Variants in BLOC1S5 observed in about 807,000 individuals in gnomAD.
BLOC1S5 encodes the protein biogenesis of lysosomal organelles complex 1 subunit 5.
A neutral mutation model predicts 24.3 loss-of-function variants in BLOC1S5; 27 were observed. That is an observed-to-expected ratio of 1.11 (90% CI 0.82 to 1.53). The LOEUF is 1.53. Ranked by LOEUF, BLOC1S5 falls within the 40% of genes most tolerant of loss-of-function variation. The pLI is 0.00. For synonymous variants in BLOC1S5, 84 were observed against 74.5 expected, an observed-to-expected ratio of 1.13 and a Z score of -0.66; for missense variants, 239 against 229.4, an observed-to-expected ratio of 1.04 and a Z score of -0.27.
intron 2 of BLOC1S5, among the ~76,000 whole-genome samples, chr6:8,047,083 C>T (rs187810075): frequency 6.6e-6 from 1 of 151,584 alleles, no homozygotes; most frequent in African/African-American, 2.4e-5. Context: ...CATGCTTGAT[C>T]TCAACATATA....
chr6:8,064,349 C>T lies in BLOC1S5; in HGVS notation c.28G>A (p.Val10Met). ...CCGCCCGGGGCGGCCTCACAACCCACAGGGGTCTCTGTCCCTCCGCCACTC... is the reference window on the plus strand; with the variant it reads ...CCGCCCGGGGCGGCCTCACAACCCATAGGGGTCTCTGTCCCTCCGCCACTC... Reference protein sequence around the residue: MSGGGTETPVGCEAAPGGGS... With the variant: MSGGGTETPMGCEAAPGGGS... The change falls in exon 1 of 5, where the codon GTG becomes ATG. Residue 10 changes from valine (V) to methionine (M), a missense_variant. Transcript: ENST00000397457. 1.2e-6 allele frequency: 2 copies of T among 1,612,310 alleles called. No homozygotes were observed. The highest frequency in any genetic ancestry group is 1.7e-6 in the Non-Finnish European group (2 of 1,179,858).
chr6:8,059,374 T>G (rs9505349), intron 2 of BLOC1S5, among the ~76,000 whole-genome samples: 6,264 of 152,308 alleles, frequency 0.041, 408 homozygotes, highest in African/African-American at 0.14. Flanking sequence ...ACAAATAAAA[T>G]TTTATAAAGA....
chr6:8,036,902 C>T (rs897781227), intron 3 of BLOC1S5, among the ~76,000 whole-genome samples: 1 of 151,936 alleles, frequency 6.6e-6, no homozygotes, highest in Admixed American at 6.6e-5. Context: ...CATATGGTAA[C>T]CTCAACAGAT....
Position 8,013,993 on chromosome 6 carries a change from T to C in BLOC1S5, c.*1656A>G, listed in dbSNP as rs1438851432. The C allele has an allele frequency of 1.3e-4, 20 of 152,160 alleles. No homozygotes were observed. The highest frequency in any genetic ancestry group is 1.2e-3 in the Admixed American group (19 of 15,268). 9.4% of individuals were successfully genotyped at this position (152,160 alleles called of 1,614,324 possible). ...TCTCAAATACTTATTTCATCTCCTCTATTAACTTTAATCACATTTTCAACA... is the reference window on the plus strand; with the variant it reads ...TCTCAAATACTTATTTCATCTCCTCCATTAACTTTAATCACATTTTCAACA... On this transcript the variant is annotated 3_prime_UTR_variant, in exon 5 of 5. Coordinates refer to ENST00000397457, the MANE Select transcript of BLOC1S5 (RefSeq NM_201280.3).
chr6:8,050,590 T>G (rs1472896927), intron 2 of BLOC1S5, among the ~76,000 whole-genome samples: 1 of 142,012 alleles, frequency 7.0e-6, no homozygotes, highest in Non-Finnish European at 1.5e-5. Context: ...AAGATGAGAA[T>G]GGAAAAGAAA....
intron 4 of BLOC1S5, among the ~76,000 whole-genome samples, chr6:8,016,470 C>A (rs750798768): frequency 8.6e-5 from 13 of 151,930 alleles, no homozygotes; most frequent in African/African-American, 3.1e-4. Flanking sequence ...AAAATATATG[C>A]TAAAAGAATC....
chr6:8,037,903 C>G (rs146058352), intron 3 of BLOC1S5, among the ~76,000 whole-genome samples: 5 of 152,058 alleles, frequency 3.3e-5, no homozygotes, highest in South Asian at 2.1e-4. Flanking sequence ...ATAACCAGTG[C>G]TGGGAAAACT....
At chr6:8,046,375 G>T (rs903907890) in intron 2 of BLOC1S5, among the ~76,000 whole-genome samples, 2 of 151,724 alleles carry the variant, frequency 1.3e-5, no homozygotes, top group Admixed American at 6.6e-5. Context: ...CTAACACAGG[G>T]GTACATGGGA....
At chr6:8,030,009 G>A (rs1337607867) in intron 3 of BLOC1S5, among the ~76,000 whole-genome samples, 1 of 152,100 alleles carries the variant, frequency 6.6e-6, no homozygotes, top group African/African-American at 2.4e-5. Context: ...TCCCTAAACA[G>A]ACAAAGCAAA....
In BLOC1S5 at chr6:8,064,283, C is replaced by G; in HGVS notation, c.94G>C (p.Ala32Pro). ...TCCGTACCCTTGATAATGAGGTGCG[C>G]TGAGCCCGCAGTCCCCAGGGAGTCC... ...KRDSLGTAGS[A>P]HLIIKDLGEI... The change falls in exon 1 of 5, where the codon GCG (alanine) becomes CCG (proline). Residue 32 changes from alanine (A) to proline (P), a missense_variant. Ala to Pro is a conservative substitution (Grantham distance 27). Coordinates refer to ENST00000397457, the MANE Select transcript of BLOC1S5 (RefSeq NM_201280.3). The G allele has an allele frequency of 6.2e-7, 1 of 1,613,800 alleles. No homozygotes were observed. Among genetic ancestry groups the G allele is most frequent in the Non-Finnish European group, 8.5e-7 (1 of 1,179,816 alleles).
At chr6:8,049,504 T>C (rs1467977395) in intron 2 of BLOC1S5, among the ~76,000 whole-genome samples, 2 of 152,168 alleles carry the variant, frequency 1.3e-5, no homozygotes, top group Non-Finnish European at 2.9e-5. Flanking sequence ...ATTTAAAATT[T>C]AAATTATGTA....
chr6:8,057,437 T>C (rs1193872107), intron 2 of BLOC1S5, among the ~76,000 whole-genome samples: 2 of 152,252 alleles, frequency 1.3e-5, no homozygotes, highest in Non-Finnish European at 2.9e-5. Context: ...ATATTGTTTC[T>C]GGCATGAAAA....
intron 2 of BLOC1S5, among the ~76,000 whole-genome samples, chr6:8,053,093 C>T (rs1764181301): frequency 6.6e-6 from 1 of 151,892 alleles, no homozygotes; most frequent in Non-Finnish European, 1.5e-5. Context: ...GGAAGAGTCG[C>T]ACAACTCCCA....
At chr6:8,030,294 G>T (rs1465363077) in intron 3 of BLOC1S5, among the ~76,000 whole-genome samples, 1 of 151,762 alleles carries the variant, frequency 6.6e-6, no homozygotes, top group Non-Finnish European at 1.5e-5. Flanking sequence ...TGAGTAGATG[G>T]GACTACAGGC....
At chr6:8,043,163 C>T (rs1335358476) in intron 2 of BLOC1S5, among the ~76,000 whole-genome samples, 1 of 152,186 alleles carries the variant, frequency 6.6e-6, no homozygotes, top group Non-Finnish European at 1.5e-5. Flanking sequence ...AAAACATCTC[C>T]ATTCCAGAAA....
chr6:8,041,060 C>T lies in BLOC1S5; in HGVS notation c.325+79G>A, dbSNP rs934703787. On this transcript the variant is annotated intron_variant, in intron 3 of 4. Coordinates refer to ENST00000397457, the MANE Select transcript of BLOC1S5 (RefSeq NM_201280.3). ...CTTCCCTCTCCCTCTCCACCTCCCC[C>T]CATAATACCCAAGAAAATACATTTT... 2.7e-6 allele frequency: 4 copies of T among 1,472,138 alleles called. No individual in the cohort carries two copies. The South Asian group carries it at 4.1e-5, about 15-fold the overall frequency. 91.2% of individuals were successfully genotyped at this position (1,472,138 alleles called of 1,614,324 possible).
chr6:8,039,131 T>C (rs1581414037), intron 3 of BLOC1S5, among the ~76,000 whole-genome samples: 1 of 152,026 alleles, frequency 6.6e-6, no homozygotes, highest in East Asian at 1.9e-4. Context: ...AATCCCATCA[T>C]CTGCAGCCAC....
intron 3 of BLOC1S5, among the ~76,000 whole-genome samples, chr6:8,028,363 T>TAAA (rs755121539): frequency 4.5e-5 from 6 of 134,414 alleles, no homozygotes; most frequent in African/African-American, 1.6e-4. Context: ...AAGAAAATAT[T>TAAA]TAAAAAAAAA....
intron 3 of BLOC1S5, among the ~76,000 whole-genome samples, chr6:8,030,865 C>CAAAAAAAAA (rs55692261): frequency 1.1e-4 from 13 of 118,584 alleles, no homozygotes; most frequent in African/African-American, 2.9e-4. Context: ...GACCAACAGT[C>CAAAAAAAAA]AAAAAAAAAA....
Sources: allele counts gnomAD v4.1 joint callset (sites outside exome capture counted in the v4.1 genomes callset), GRCh38; gene constraint gnomAD v4.1.1; transcripts MANE v1.5; gene names NCBI Gene and HGNC (gene_info 2026-07-23, HGNC 2026-07-21).